FAM3D: variants seen among roughly 807,000 people sequenced by gnomAD.
FAM3D encodes the protein protein FAM3D.
FAM3D carries 26 observed loss-of-function variants against 29.8 expected under a neutral mutation model. That is an observed-to-expected ratio of 0.87 (90% confidence interval 0.64 to 1.21). The LOEUF (loss-of-function observed/expected upper bound fraction) is 1.21. Ranked by LOEUF, FAM3D falls within the 50% of genes most tolerant of loss-of-function variation. The pLI is 0.00. For missense variants in FAM3D, 253 were observed against 290.9 expected (o/e 0.87, Z 0.95); for synonymous variants, 115 against 102.3 (o/e 1.12, Z -0.75).
At chr3:58,648,857 C>A (rs1046870804) in intron 4 of FAM3D, among the ~76,000 whole-genome samples, 2 of 152,234 alleles carry the variant, frequency 1.3e-5, no homozygotes, top group Admixed American at 1.3e-4. Flanking sequence ...ACAATCAGCA[C>A]CCACTTCTGT....
intron 1 of FAM3D, among the ~76,000 whole-genome samples, chr3:58,665,031 G>A (rs1030500539): frequency 6.6e-6 from 1 of 152,224 alleles, no homozygotes; most frequent in Non-Finnish European, 1.5e-5. Context: ...TGCCAATGAG[G>A]AAGTTAGGCC....
chr3:58,652,610 T>C (rs2066671606), intron 3 of FAM3D, among the ~76,000 whole-genome samples: 1 of 151,160 alleles, frequency 6.6e-6, no homozygotes, highest in African/African-American at 2.4e-5. Flanking sequence ...CATCCACCCA[T>C]CCATCTACCC....
At chr3:58,640,242 A>C in intron 6 of FAM3D, 65 bp from the exon 7 acceptor site, 1 of 1,557,308 alleles carries the variant, frequency 6.4e-7, no homozygotes, top group Middle Eastern at 1.7e-4. Context: ...CGTTCTGCTG[A>C]AAATGCCTAA....
intron 4 of FAM3D, among the ~76,000 whole-genome samples, chr3:58,648,127 C>T (rs1439102150): frequency 6.6e-6 from 1 of 152,176 alleles, no homozygotes; most frequent in Non-Finnish European, 1.5e-5. Flanking sequence ...TTGCTATCCC[C>T]CCAGCAGGTG....
intron 1 of FAM3D, among the ~76,000 whole-genome samples, chr3:58,658,485 A>G (rs2066867108): frequency 6.6e-6 from 1 of 152,122 alleles, no homozygotes; most frequent in Admixed American, 6.6e-5. Context: ...GGGCCTTTGC[A>G]CTTGCGAGTC....
At position 58,634,462 on chromosome 3, in the gene FAM3D, GTGTGGGATGTTATTA is replaced by G; in HGVS notation, c.586-109_586-95del. On this transcript the variant is annotated intron_variant, in intron 9 of 9. Transcript: ENST00000358781. This position sits in a 1 kb window ranked among gnomAD's most constrained non-coding sequence, Gnocchi z 4.6. ...CACTGTGCTCTAAACCTAAATGGGG[GTGTGGGATGTTATTA>G]ACCCACTTCACAGATGGGGAAACTG... 1 of 1,111,600 alleles carries G rather than the reference GTGTGGGATGTTATTA, an allele frequency of 9.0e-7. No homozygotes were observed. The highest frequency in any genetic ancestry group is 1.3e-6 in the Non-Finnish European group (1 of 762,248). The allele number at this position is 1,111,600 out of a possible 1,614,324, so 68.9% of individuals were successfully genotyped here. A position where few individuals can be genotyped will look rare whatever the true frequency, so the allele number is the denominator to read the frequency against.
intron 2 of FAM3D, among the ~76,000 whole-genome samples, chr3:58,654,042 G>A: frequency 6.6e-6 from 1 of 152,250 alleles, no homozygotes; most frequent in Non-Finnish European, 1.5e-5. Context: ...TGCCTGCCTG[G>A]GCTCCACTTA....
intron 1 of FAM3D, among the ~76,000 whole-genome samples, chr3:58,657,350 G>C (rs925837942): frequency 2.6e-5 from 4 of 151,682 alleles, no homozygotes; most frequent in Non-Finnish European, 4.4e-5. Flanking sequence ...AGAGTTGAAG[G>C]GGGAGACGGA....
At position 58,653,681 on chromosome 3, in the gene FAM3D, G is replaced by A. The variant is rs2066710672; in HGVS notation, c.114C>T (p.Arg38=). 8.1e-6 allele frequency: 13 copies of A among 1,613,698 alleles called. No homozygotes were observed. Among genetic ancestry groups the A allele is most frequent in the Non-Finnish European group, 1.1e-5 (13 of 1,179,970 alleles). The change falls in exon 3 of 10, where the codon CGC becomes CGT. Residue 38 remains arginine (R), a synonymous_variant. Coordinates refer to ENST00000358781, the MANE Select transcript of FAM3D (RefSeq NM_138805.3). The part of the protein sequence containing the change: ...SFSMKTIRLP[R]WLAASPTKEI... ...GCAGTGAGCCCCACTCACCCAGCCA[G>A]CGTGGCAGACGGATGGTTTTCATGC...
chr3:58,639,986 C>T, intron 7 of FAM3D, 141 bp downstream of exon 7: 1 of 827,424 alleles, frequency 1.2e-6, no homozygotes, highest in African/African-American at 1.7e-5. Context: ...CCCTCAACCC[C>T]CCACCGCACC....
chr3:58,645,557 C>T lies in FAM3D; in HGVS notation c.215G>A (p.Ser72Asn), dbSNP rs776211117. The T allele has an allele frequency of 2.5e-6, 4 of 1,614,232 alleles. No homozygotes were observed. The highest frequency in any genetic ancestry group is 3.3e-5 in the Admixed American group (2 of 60,028). ...PANYFAFKICSGAANVVGPTM... is the reference protein window; with the variant it reads ...PANYFAFKICNGAANVVGPTM... ...AGGGCCCACGACGTTGGCGGCCCCACTGCAGATTTTAAACGCAAAGTAGTT... is the reference window on the plus strand; with the variant it reads ...AGGGCCCACGACGTTGGCGGCCCCATTGCAGATTTTAAACGCAAAGTAGTT... The change falls in exon 5 of 10, where the codon AGT becomes AAT. Residue 72 changes from serine to asparagine, a missense_variant. Transcript: ENST00000358781.
chr3:58,645,473 A>C lies in FAM3D; in HGVS notation c.263+36T>G, dbSNP rs749932215. ...TGAATGAATGAAATAAAATAAAATA[A>C]AATAAAATAAACATAGTTGTGTCTT... is the stretch of plus-strand genomic sequence containing the variant. On this transcript the variant is annotated intron_variant, in intron 5 of 9. Transcript: ENST00000358781. 5 of 1,439,644 alleles carry C rather than the reference A, an allele frequency of 3.5e-6. No individual in the cohort carries two copies. In the South Asian group the frequency reaches 7.2e-5, roughly 21 times the overall value. 89.2% of individuals were successfully genotyped at this position (1,439,644 alleles called of 1,614,324 possible). A position where few individuals can be genotyped will look rare whatever the true frequency, so the allele number is the denominator to read the frequency against.
At chr3:58,645,735 A>C in intron 4 of FAM3D, 109 bp from the exon 5 acceptor site, 29 of 924,194 alleles carry the variant, frequency 3.1e-5, no homozygotes, top group Non-Finnish European at 4.7e-5. Flanking sequence ...GATGAAGCTC[A>C]GAGCCTCTTT....
intron 4 of FAM3D, 125 bp from the exon 5 acceptor site, chr3:58,645,751 G>T: frequency 1.2e-6 from 1 of 820,792 alleles, no homozygotes. Context: ...TCTTTCTGGG[G>T]GAGCCTTCGC....
chr3:58,646,252 A>C (rs866931465), intron 4 of FAM3D, among the ~76,000 whole-genome samples: 9 of 152,348 alleles, frequency 5.9e-5, no homozygotes, highest in Middle Eastern at 3.4e-3. Flanking sequence ...TGATGCTGGA[A>C]TACAACAGAG....
intron 4 of FAM3D, among the ~76,000 whole-genome samples, chr3:58,648,603 G>A (rs2066541637): frequency 6.6e-6 from 1 of 152,210 alleles, no homozygotes; most frequent in Non-Finnish European, 1.5e-5. Flanking sequence ...TGCCTGTGAA[G>A]TTCTGAATCC....
chr3:58,637,085 T>C (rs1238791248), intron 8 of FAM3D, 56 bp downstream of exon 8: 6 of 1,467,256 alleles, frequency 4.1e-6, no homozygotes, highest in Non-Finnish European at 5.7e-6. Flanking sequence ...GTGCAGGGTT[T>C]GAAGGTATTC....
chr3:58,662,153 G>C (rs58684917), intron 1 of FAM3D, among the ~76,000 whole-genome samples: 1 of 119,774 alleles, frequency 8.3e-6, no homozygotes, highest in Non-Finnish European at 2.0e-5. Flanking sequence ...GCTGGGTGGA[G>C]TATCTGGGTT....
chr3:58,655,552 T>G lies in FAM3D; in HGVS notation c.12A>C (p.Ser4=). 1.9e-6 allele frequency: 3 copies of G among 1,613,698 alleles called. No individual in the cohort carries two copies. Among genetic ancestry groups the G allele is most frequent in the South Asian group, 2.2e-5 (2 of 90,928 alleles). Residue 4 remains serine (S), a splice_region_variant and synonymous_variant, in exon 2 of 10, where the codon TCA becomes TCC. Coordinates refer to ENST00000358781, the MANE Select transcript of FAM3D (RefSeq NM_138805.3). MRV[S]GVLRLLALIF... is the part of the protein sequence containing the mutation. ...TCCAAAACCAATTTCAGAGCCTACCTGACACTCTCATCCTGTCCAGGTGAA... is the reference window on the plus strand; with the variant it reads ...TCCAAAACCAATTTCAGAGCCTACCGGACACTCTCATCCTGTCCAGGTGAA...
Sources: allele counts gnomAD v4.1 joint callset (sites outside exome capture counted in the v4.1 genomes callset), GRCh38; gene constraint gnomAD v4.1.1; non-coding constraint Gnocchi (gnomAD v3.1); transcripts MANE v1.5; gene names NCBI Gene and HGNC (gene_info 2026-07-23, HGNC 2026-07-21).